FAM240B: variants seen among roughly 807,000 people sequenced by gnomAD.
FAM240B encodes the protein family with sequence similarity 240 member B.
intron 1 of FAM240B, among the ~76,000 whole-genome samples, chr9:38,712,684 T>C (rs1355473269): frequency 6.6e-6 from 1 of 152,182 alleles, no homozygotes; most frequent in Non-Finnish European, 1.5e-5. Flanking sequence ...GAACAATGAA[T>C]CACATTTGGC....
chr9:38,701,831 G>C (rs1302396828), intron 2 of FAM240B, among the ~76,000 whole-genome samples: 1 of 152,102 alleles, frequency 6.6e-6, no homozygotes, highest in Non-Finnish European at 1.5e-5. Context: ...ATTTGCAATT[G>C]ATTGCCATTT....
At chr9:38,717,030 A>C (rs546666359) in intron 1 of FAM240B, among the ~76,000 whole-genome samples, 1 of 152,116 alleles carries the variant, frequency 6.6e-6, no homozygotes, top group Non-Finnish European at 1.5e-5. Context: ...GCCAGGTCTA[A>C]ATGGAACAGC....
chr9:38,716,183 T>C (rs1314956937), intron 1 of FAM240B, among the ~76,000 whole-genome samples: 1 of 152,148 alleles, frequency 6.6e-6, no homozygotes, highest in African/African-American at 2.4e-5. Flanking sequence ...CTTAATATGG[T>C]GCCCTTGGCC....
intron 2 of FAM240B, among the ~76,000 whole-genome samples, chr9:38,701,050 T>C (rs1254598025): frequency 6.6e-6 from 1 of 152,256 alleles, no homozygotes; most frequent in Non-Finnish European, 1.5e-5. Context: ...GGAGGTTTTT[T>C]GGTCTCTACT....
At chr9:38,708,540 G>A (rs144057659) in intron 1 of FAM240B, among the ~76,000 whole-genome samples, 313 of 152,332 alleles carry the variant, frequency 2.1e-3, no homozygotes, top group African/African-American at 7.3e-3. Flanking sequence ...TGGAGAGAAA[G>A]CTCAGTGGAG....
At chr9:38,716,668 A>T (rs1330169485) in intron 1 of FAM240B, among the ~76,000 whole-genome samples, 2 of 152,112 alleles carry the variant, frequency 1.3e-5, no homozygotes, top group Non-Finnish European at 2.9e-5. Context: ...CTAAAATACA[A>T]AAATTGGCTA....
At chr9:38,718,148 T>A (rs934517588) in intron 1 of FAM240B, among the ~76,000 whole-genome samples, 5 of 152,262 alleles carry the variant, frequency 3.3e-5, no homozygotes, top group African/African-American at 9.6e-5. Flanking sequence ...AGTAATCTGT[T>A]TATGGATATG....
chr9:38,702,933 T>TA lies in FAM240B; in HGVS notation c.143+923dup, dbSNP rs533220878. On this transcript the variant is annotated intron_variant, in intron 2 of 2. Coordinates refer to ENST00000637493, the MANE Select transcript of FAM240B (RefSeq NM_001394922.1). ...AATAACGTAACTTCATTTTTTATAT[T>TA]AAAAAAAGTCTTGTCCATATCTGTA... Among the ~76,000 whole-genome samples the TA allele has an allele frequency of 4.0e-4, 61 of 152,272 alleles. No individual in the cohort carries two copies. In the South Asian group the frequency reaches 9.7e-3, roughly 24 times the overall value.
chr9:38,711,289 A>G (rs1821252959), intron 1 of FAM240B, among the ~76,000 whole-genome samples: 1 of 152,224 alleles, frequency 6.6e-6, no homozygotes, highest in South Asian at 2.1e-4. Context: ...GCCCCCTCAC[A>G]TGGAGATTCT....
chr9:38,696,853 C>G (rs1293610940), intron 2 of FAM240B, among the ~76,000 whole-genome samples: 1 of 152,114 alleles, frequency 6.6e-6, no homozygotes, highest in African/African-American at 2.4e-5. Flanking sequence ...GCTTATATGA[C>G]CTTCTACTTT....
chr9:38,713,749 G>C (rs12351708), intron 1 of FAM240B, among the ~76,000 whole-genome samples: 2 of 152,146 alleles, frequency 1.3e-5, no homozygotes, highest in Non-Finnish European at 2.9e-5. Flanking sequence ...ATTTAGAAAA[G>C]ATATAGATTG....
chr9:38,709,337 G>A (rs1336978083), intron 1 of FAM240B, among the ~76,000 whole-genome samples: 1 of 152,188 alleles, frequency 6.6e-6, no homozygotes, highest in African/African-American at 2.4e-5. Flanking sequence ...CAGGCTCACT[G>A]TAGCTGGTAT....
chr9:38,711,069 C>T (rs1821250248), intron 1 of FAM240B, among the ~76,000 whole-genome samples: 1 of 152,168 alleles, frequency 6.6e-6, no homozygotes, highest in African/African-American at 2.4e-5. Context: ...GAGCAATGTG[C>T]AAGTCATCAC....
intron 1 of FAM240B, among the ~76,000 whole-genome samples, chr9:38,706,571 C>G (rs1372673345): frequency 6.6e-6 from 1 of 152,148 alleles, no homozygotes; most frequent in Non-Finnish European, 1.5e-5. Flanking sequence ...AGAGCCGGCC[C>G]CTTTGGAGTA....
At chr9:38,697,789 C>T (rs1821084757) in intron 2 of FAM240B, among the ~76,000 whole-genome samples, 1 of 152,224 alleles carries the variant, frequency 6.6e-6, no homozygotes, top group South Asian at 2.1e-4. Context: ...CCAAACACCT[C>T]TTCTGAACTT....
At chr9:38,708,009 A>G (rs1821210600) in intron 1 of FAM240B, among the ~76,000 whole-genome samples, 1 of 152,094 alleles carries the variant, frequency 6.6e-6, no homozygotes, top group Non-Finnish European at 1.5e-5. Flanking sequence ...AAGCATCCCA[A>G]AGGACTGAAG....
At position 38,712,685 on chromosome 9, in the gene FAM240B, C is replaced by T. The variant is rs146256940; in HGVS notation, c.-4+7337G>A. Among the ~76,000 whole-genome samples the T allele has an allele frequency of 1.1e-4, 16 of 152,288 alleles. No homozygotes were observed. In the East Asian group the frequency reaches 2.9e-3, roughly 28 times the overall value. Reference sequence around the variant, plus strand: ...ACAGAAGTGACAGTGAACAATGAATCACATTTGGCAATTGCTAATATGATC... The same window carrying T: ...ACAGAAGTGACAGTGAACAATGAATTACATTTGGCAATTGCTAATATGATC... On this transcript the variant is annotated intron_variant, in intron 1 of 2. Transcript: ENST00000637493.
intron 1 of FAM240B, among the ~76,000 whole-genome samples, chr9:38,711,466 A>G (rs559684869): frequency 6.6e-5 from 10 of 151,948 alleles, no homozygotes; most frequent in African/African-American, 2.4e-4. Flanking sequence ...CTCCCACCCC[A>G]CCTTCAGGCC....
At position 38,720,018 on chromosome 9, in the gene FAM240B, G is replaced by A. The variant is rs1206218983; in HGVS notation, c.-4+4C>T. The stretch of plus-strand genomic sequence containing the variant: ...CTTGACAACACAAGCTCAATGTACT[G>A]TACCTTAAAGATGAATTTGCAGGTG... On this transcript the variant is annotated splice_donor_region_variant and intron_variant, in intron 1 of 2. Transcript: ENST00000637493. 2 of 146,770 alleles carry A rather than the reference G, an allele frequency of 1.4e-5. No individual in the cohort carries two copies. Among genetic ancestry groups the A allele is most frequent in the Non-Finnish European group, 3.0e-5 (2 of 66,634 alleles). The allele number at this position is 146,770 out of a possible 1,614,324, so 9.1% of individuals were successfully genotyped here.
Sources: allele counts gnomAD v4.1 joint callset (sites outside exome capture counted in the v4.1 genomes callset), GRCh38; gene constraint gnomAD v4.1.1; transcripts MANE v1.5; gene names NCBI Gene and HGNC (gene_info 2026-07-23, HGNC 2026-07-21).